RPTOR: variants seen among roughly 807,000 people sequenced by gnomAD.
The protein encoded by RPTOR is regulatory-associated protein of mTOR.
RPTOR carries 21 observed loss-of-function variants against 169.9 expected under a neutral mutation model. That is an observed-to-expected ratio of 0.12 (90% CI 0.09 to 0.18). The LOEUF is 0.18. RPTOR is among the 10% of genes least tolerant of loss of function. The pLI is 1.00. For synonymous variants in RPTOR, 732 were observed against 753.2 expected, an observed-to-expected ratio of 0.97 and a Z score of 0.46; for missense variants, 1,133 against 1,855.9, an observed-to-expected ratio of 0.61 and a Z score of 7.16.
Position 80,965,841 on chromosome 17 carries a change from C to G in RPTOR, c.*1511C>G, listed in dbSNP as rs76606016. 4.3e-6 allele frequency: 1 copy of G among 233,238 alleles called. No individual in the cohort carries two copies. Among genetic ancestry groups the G allele is most frequent in the Admixed American group, 5.6e-5 (1 of 17,782 alleles). 14.4% of individuals were successfully genotyped at this position (233,238 alleles called of 1,614,324 possible). A position where few individuals can be genotyped will look rare whatever the true frequency, so the allele number is the denominator to read the frequency against. ...CCCTCCGCTGCTCCTTTTTGGAATG[C>G]GAGCTCCCACCAGAAGAAGGTTCCG... is the stretch of plus-strand genomic sequence containing the variant. On this transcript the variant is annotated 3_prime_UTR_variant, in exon 34 of 34. Transcript: ENST00000306801.
In RPTOR at chr17:80,823,345, A is replaced by G. The variant is rs2067403175; in HGVS notation, c.1136+122A>G. 1.6e-6 allele frequency: 2 copies of G among 1,266,458 alleles called. No individual in the cohort carries two copies. The highest frequency in any genetic ancestry group is 2.2e-6 in the Non-Finnish European group (2 of 919,092). 78.5% of individuals were successfully genotyped at this position (1,266,458 alleles called of 1,614,324 possible). A position where few individuals can be genotyped will look rare whatever the true frequency, so the allele number is the denominator to read the frequency against. ...ACCTAACTTGGGGACCCCGTGTAGC[A>G]TTAACAAGTGAAGCTAAATGCAGGG... On this transcript the variant is annotated intron_variant, in intron 9 of 33. Coordinates refer to ENST00000306801, the MANE Select transcript of RPTOR (RefSeq NM_020761.3). The surrounding 1 kb of genome is among the most constrained non-coding windows in gnomAD (Gnocchi z 4.5).
rs1567846115 is a variant in RPTOR, at chr17:80,665,404, TTTCC to T, written c.348+21597_348+21600del. On this transcript the variant is annotated intron_variant, in intron 3 of 33. Coordinates refer to ENST00000306801, the MANE Select transcript of RPTOR (RefSeq NM_020761.3). ...TTTCCTTTCCTTTCCTTTCCTTTCC[TTTCC>T]TTTCCTTTCCTTTCCTTTCCTTTCC... 3.8e-3 allele frequency among the ~76,000 whole-genome samples: 34 copies of T among 9,044 alleles called. 2 individuals are homozygous for T. The highest frequency in any genetic ancestry group is 0.01 in the African/African-American group (10 of 974). The allele number at this position is 9,044 out of a possible 152,430, so 5.9% of individuals were successfully genotyped here. A position where few individuals can be genotyped will look rare whatever the true frequency, so the allele number is the denominator to read the frequency against.
chr17:80,724,878 G>A (rs377511470), intron 4 of RPTOR, among the ~76,000 whole-genome samples: 6 of 152,172 alleles, frequency 3.9e-5, no homozygotes, highest in Admixed American at 6.5e-5. Context: ...GCACCGTGTC[G>A]TTCTGCCCAC....
chr17:80,744,915 ACAGCC>A (rs2066554239), intron 5 of RPTOR, among the ~76,000 whole-genome samples: 1 of 151,112 alleles, frequency 6.6e-6, no homozygotes, highest in Non-Finnish European at 1.5e-5. Context: ...GGCTACTAGC[ACAGCC>A]CTGGTTACTA....
At position 80,609,773 on chromosome 17, in the gene RPTOR, TTGTGTGTGTG is replaced by T. The variant is rs35843489; in HGVS notation, c.163-15892_163-15883del. On this transcript the variant is annotated intron_variant, in intron 1 of 33. Transcript: ENST00000306801. The surrounding 1 kb of genome is among the most constrained non-coding windows in gnomAD (Gnocchi z 4.8). ...AAAAAAAAAAAGTTTAAGGTGTTGG[TTGTGTGTGTG>T]TGTGTGTGTGTGTGTGTGTGTGTGT... Among the ~76,000 whole-genome samples the T allele has an allele frequency of 3.7e-4, 53 of 143,328 alleles. No homozygotes were observed. The highest frequency in any genetic ancestry group is 1.2e-3 in the African/African-American group (45 of 38,798). The allele number at this position is 143,328 out of a possible 152,430, so 94.0% of individuals were successfully genotyped here.
chr17:80,866,519 C>A (rs2067993651), intron 13 of RPTOR, among the ~76,000 whole-genome samples: 1 of 152,036 alleles, frequency 6.6e-6, no homozygotes. Context: ...TTTTAAAAAA[C>A]ACATGAATAA....
In RPTOR at chr17:80,906,916, G is replaced by A. The variant is rs554153964; in HGVS notation, c.2402-1895G>A. On this transcript the variant is annotated intron_variant, in intron 20 of 33. Coordinates refer to ENST00000306801, the MANE Select transcript of RPTOR (RefSeq NM_020761.3). Reference sequence around the variant, plus strand: ...CTTCCCTGACCTCTGCACTCACGGTGGGGGCGCGCACAGCAGGGGTAGACA... The same window carrying A: ...CTTCCCTGACCTCTGCACTCACGGTAGGGGCGCGCACAGCAGGGGTAGACA... Among the ~76,000 whole-genome samples the A allele has an allele frequency of 2.0e-5, 3 of 152,304 alleles. No homozygotes were observed. The South Asian group carries it at 6.2e-4, about 32-fold the overall frequency.
chr17:80,859,312 G>A (rs1366802579), intron 13 of RPTOR, among the ~76,000 whole-genome samples: 1 of 152,228 alleles, frequency 6.6e-6, no homozygotes, highest in Non-Finnish European at 1.5e-5. Context: ...ACAGAGTGGT[G>A]CAAAGGGTCT....
chr17:80,703,981 G>C (rs1276761007), intron 3 of RPTOR, among the ~76,000 whole-genome samples: 1 of 152,196 alleles, frequency 6.6e-6, no homozygotes, highest in Non-Finnish European at 1.5e-5. Flanking sequence ...GATGCGTTTG[G>C]TTTGAAGGAG....
Position 80,878,093 on chromosome 17 carries a change from G to C in RPTOR, c.1510-2322G>C, listed in dbSNP as rs568921064. 3.9e-5 allele frequency among the ~76,000 whole-genome samples: 6 copies of C among 152,290 alleles called. No homozygotes were observed. The South Asian group carries it at 1.2e-3, about 32-fold the overall frequency. ...TCTCTTCTTGATCCTCAGGCATCCA[G>C]TTCTTAAAATTCCGGCCCTCTGTCC... is the stretch of plus-strand genomic sequence containing the variant. On this transcript the variant is annotated intron_variant, in intron 13 of 33. Transcript: ENST00000306801. The surrounding 1 kb of genome is among the most constrained non-coding windows in gnomAD (Gnocchi z 4.1).
intron 2 of RPTOR, among the ~76,000 whole-genome samples, chr17:80,636,497 A>C (rs910500185): frequency 7.9e-5 from 12 of 152,020 alleles, no homozygotes; most frequent in Non-Finnish European, 1.5e-4. Context: ...TCCATCTTCC[A>C]AGATGGGGCT....
At chr17:80,925,560 G>C in intron 24 of RPTOR, 80 bp downstream of exon 24, 1 of 1,164,230 alleles carries the variant, frequency 8.6e-7, no homozygotes, top group Non-Finnish European at 1.3e-6. Context: ...AAACGCTCAA[G>C]GCTTGTGGCT....
At chr17:80,622,072 C>T (rs947664082) in intron 1 of RPTOR, among the ~76,000 whole-genome samples, 11 of 152,158 alleles carry the variant, frequency 7.2e-5, no homozygotes, top group Non-Finnish European at 5.9e-5. Context: ...AGATAAGAAG[C>T]CAGTGGGGAA....
rs975276892 is a variant in RPTOR, at chr17:80,754,587, T to G, written c.830+402T>G. 1.3e-5 allele frequency among the ~76,000 whole-genome samples: 2 copies of G among 152,226 alleles called. No individual in the cohort carries two copies. The highest frequency in any genetic ancestry group is 2.9e-5 in the Non-Finnish European group (2 of 68,034). ...AGTTGAAGCGTAATCTTTCAATGTA[T>G]TTTTAGCAATGAAAAAAGAGCCATG... is the stretch of plus-strand genomic sequence containing the variant. On this transcript the variant is annotated intron_variant, in intron 6 of 33. Coordinates refer to ENST00000306801, the MANE Select transcript of RPTOR (RefSeq NM_020761.3). The surrounding 1 kb of genome is among the most constrained non-coding windows in gnomAD (Gnocchi z 4.2).
At chr17:80,964,137 G>A in intron 33 of RPTOR, 125 bp from the exon 34 acceptor site, 4 of 804,568 alleles carry the variant, frequency 5.0e-6, no homozygotes, top group Non-Finnish European at 8.2e-6. Context: ...GGCCTGAGGT[G>A]GGCGTGGGGG....
intron 9 of RPTOR, among the ~76,000 whole-genome samples, chr17:80,832,427 C>T (rs915981103): frequency 1.3e-5 from 2 of 152,194 alleles, no homozygotes; most frequent in Non-Finnish European, 2.9e-5. Context: ...CATCGCCCCC[C>T]TGTCCTGTGG....
chr17:80,862,296 C>A (rs1184327349), intron 13 of RPTOR, among the ~76,000 whole-genome samples: 1 of 152,080 alleles, frequency 6.6e-6, no homozygotes, highest in Non-Finnish European at 1.5e-5. Context: ...GAAGTGTTTC[C>A]GGTAGAAACT....
At chr17:80,567,634 C>CA (rs1255171959) in intron 1 of RPTOR, among the ~76,000 whole-genome samples, 1 of 150,550 alleles carries the variant, frequency 6.6e-6, no homozygotes, top group Non-Finnish European at 1.5e-5. Context: ...ACTAAAAATA[C>CA]AAAAAAAATT....
chr17:80,655,391 A>T lies in RPTOR; in HGVS notation c.348+11581A>T, dbSNP rs867344167. On this transcript the variant is annotated intron_variant, in intron 3 of 33. Coordinates refer to ENST00000306801, the MANE Select transcript of RPTOR (RefSeq NM_020761.3). ...ATGAGCCATATTTTTTGTTTTTTTT[A>T]AATTTATTTTTATTGATTTGTTTTT... Among the ~76,000 whole-genome samples the T allele has an allele frequency of 1.2e-3, 176 of 151,814 alleles. 1 individual carries two copies. Among genetic ancestry groups the T allele is most frequent in the Middle Eastern group, 6.8e-3 (2 of 294 alleles).
Sources: gnomAD v4.1 joint callset for allele counts (sites outside exome capture counted in the v4.1 genomes callset) on GRCh38, gnomAD v4.1.1 for gene constraint, Gnocchi (gnomAD v3.1) non-coding constraint, MANE v1.5 for transcripts, NCBI Gene and HGNC (gene_info 2026-07-23, HGNC 2026-07-21) for gene names.